The following MS4A13 variants were observed in gnomAD, a reference collection of about 807,000 sequenced individuals.
MS4A13 encodes the protein membrane spanning 4-domains A13, also known as membrane-spanning 4-domains subfamily A member 13.
A neutral mutation model predicts 18.4 loss-of-function variants in MS4A13; 21 were observed. The ratio of observed to expected loss-of-function variants is 1.14; its 90% CI spans 0.81 to 1.64. The LOEUF is 1.64. MS4A13 is among the 40% of genes most tolerant of loss of function. The pLI, the probability that MS4A13 is intolerant of heterozygous loss-of-function variation, is 0.00. For missense variants in MS4A13, 173 were observed against 176.8 expected (o/e 0.98, Z 0.12); for synonymous variants, 62 against 57.2 (o/e 1.08, Z -0.38).
chr11:60,538,692 G>T (rs186119962), intron 6 of MS4A13, among the ~76,000 whole-genome samples: 2,596 of 150,344 alleles, frequency 0.017, 62 homozygotes, highest in African/African-American at 0.053. Flanking sequence ...AGAATTTTAA[G>T]ATAATCCCTA....
In MS4A13 at chr11:60,525,326, A is replaced by G. The variant is rs144818161; in HGVS notation, c.306A>G (p.Ala102=). ...NSVSYRNYGQ[A]KLGREVSRIL... ...TGTCATACAGGAATTATGGACAAGC[A>G]GTAAGTGACCAATTCTATGGGAACA... Residue 102 remains alanine (A), a splice_region_variant and synonymous_variant, in exon 5 of 7, where the codon GCA becomes GCG. Coordinates refer to ENST00000378186, the MANE Select transcript of MS4A13 (RefSeq NM_001012417.3). The G allele has an allele frequency of 3.2e-6, 5 of 1,573,888 alleles. No individual in the cohort carries two copies. Among genetic ancestry groups the G allele is most frequent in the Non-Finnish European group, 4.3e-6 (5 of 1,156,626 alleles).
intron 2 of MS4A13, among the ~76,000 whole-genome samples, chr11:60,516,368 G>A (rs2086637668): frequency 6.6e-6 from 1 of 152,158 alleles, no homozygotes; most frequent in Admixed American, 6.5e-5. Context: ...TATGCAGTAG[G>A]ATGATTATAA....
At chr11:60,522,227 G>GTATATGT (rs2086680072) in intron 3 of MS4A13, among the ~76,000 whole-genome samples, 1 of 97,240 alleles carries the variant, frequency 1.0e-5, no homozygotes, top group Non-Finnish European at 2.0e-5. Flanking sequence ...TAGATAGATA[G>GTATATGT]ATAGATAGAT....
intron 5 of MS4A13, 89 bp from the exon 6 acceptor site, chr11:60,529,271 TTTTTG>T: frequency 9.0e-6 from 3 of 332,178 alleles, no homozygotes; most frequent in Non-Finnish European, 1.1e-5. Context: ...TTTTTTTTTT[TTTTTG>T]ACTCTCATAC....
At chr11:60,527,589 A>G (rs917160915) in intron 5 of MS4A13, among the ~76,000 whole-genome samples, 13 of 152,094 alleles carry the variant, frequency 8.5e-5, no homozygotes, top group Admixed American at 3.9e-4. Context: ...TAATCCCAGC[A>G]CTTTGGAAGG....
rs866882528 is a variant in MS4A13 at position 60,538,033 on chromosome 11, C to T, written c.403-4486C>T. 9.0e-3 allele frequency among the ~76,000 whole-genome samples: 616 copies of T among 68,268 alleles called. 5 individuals are homozygous for T. Among genetic ancestry groups the T allele is most frequent in the African/African-American group, 0.036 (580 of 16,120 alleles). 44.8% of individuals were successfully genotyped at this position (68,268 alleles called of 152,430 possible). A position where few individuals can be genotyped will look rare whatever the true frequency, so the allele number is the denominator to read the frequency against. On this transcript the variant is annotated intron_variant, in intron 6 of 6. Coordinates refer to ENST00000378186, the MANE Select transcript of MS4A13 (RefSeq NM_001012417.3). ...CACACTCTGGGGACTGTGGTGGGGT[C>T]GGGGGAGGGGGGAGGGATGGCATTG...
chr11:60,525,308 C>T lies in MS4A13; in HGVS notation c.288C>T (p.Tyr96=), dbSNP rs142250716. The T allele has an allele frequency of 6.9e-6, 11 of 1,586,556 alleles. No individual in the cohort carries two copies. The highest frequency in any genetic ancestry group is 9.5e-6 in the Non-Finnish European group (11 of 1,160,704). ...IELSHFNSVS[Y]RNYGQAKLGR... ...TGTCTCATTTTAATTCTGTGTCATA[C>T]AGGAATTATGGACAAGCAGTAAGTG... is the stretch of plus-strand genomic sequence containing the variant. The change falls in exon 5 of 7, where the codon TAC becomes TAT. Residue 96 remains tyrosine (Y), a synonymous_variant. Coordinates refer to ENST00000378186, the MANE Select transcript of MS4A13 (RefSeq NM_001012417.3).
At chr11:60,522,389 A>G (rs1038746178) in intron 3 of MS4A13, among the ~76,000 whole-genome samples, 4 of 152,110 alleles carry the variant, frequency 2.6e-5, no homozygotes, top group Non-Finnish European at 4.4e-5. Context: ...CAAGGGGTCA[A>G]TAGATTACTT....
chr11:60,533,002 T>C (rs1176955216), intron 6 of MS4A13, among the ~76,000 whole-genome samples: 14 of 51,954 alleles, frequency 2.7e-4, no homozygotes, highest in Admixed American at 5.7e-4. Flanking sequence ...AAAGGACATC[T>C]ACACCAAAAA....
At chr11:60,530,826 G>A (rs535283707) in intron 6 of MS4A13, among the ~76,000 whole-genome samples, 1 of 152,298 alleles carries the variant, frequency 6.6e-6, no homozygotes, top group East Asian at 1.9e-4. Flanking sequence ...ATGATAGTGA[G>A]TGAGTTCTCA....
intron 6 of MS4A13, among the ~76,000 whole-genome samples, chr11:60,541,993 CG>C (rs1364486766): frequency 6.6e-6 from 1 of 151,622 alleles, no homozygotes; most frequent in Non-Finnish European, 1.5e-5. Flanking sequence ...CCTAACTACT[CG>C]GGTGGCTGGG....
chr11:60,539,293 T>C (rs2086837477), intron 6 of MS4A13, among the ~76,000 whole-genome samples: 1 of 150,870 alleles, frequency 6.6e-6, no homozygotes, highest in East Asian at 1.9e-4. Context: ...ACAGAAATTA[T>C]GAAAAACCCA....
intron 5 of MS4A13, among the ~76,000 whole-genome samples, chr11:60,528,753 G>A (rs563101796): frequency 5.9e-5 from 9 of 151,978 alleles, no homozygotes; most frequent in Non-Finnish European, 8.8e-5. Context: ...CTAACCAATC[G>A]GATTTGTAGT....
At chr11:60,520,894 G>A (rs540668664) in intron 3 of MS4A13, among the ~76,000 whole-genome samples, 11 of 152,280 alleles carry the variant, frequency 7.2e-5, no homozygotes, top group African/African-American at 2.4e-4. Context: ...TGAGGGCCCC[G>A]CCCCTGCAGC....
intron 3 of MS4A13, among the ~76,000 whole-genome samples, chr11:60,521,297 T>A: frequency 6.6e-6 from 1 of 152,266 alleles, no homozygotes; most frequent in East Asian, 1.9e-4. Context: ...TGCAAATTTC[T>A]GCAGCTGGCT....
chr11:60,525,045 GC>G lies in MS4A13; in HGVS notation c.187-161del, dbSNP rs1328347556. 5.3e-5 allele frequency among the ~76,000 whole-genome samples: 8 copies of G among 152,172 alleles called. No homozygotes were observed. In the East Asian group the frequency reaches 1.3e-3, roughly 26 times the overall value. On this transcript the variant is annotated intron_variant, in intron 4 of 6. Transcript: ENST00000378186. ...TTAATGTTTCCTCCAGATTAACTGG[GC>G]TTCATATAAATCAGAAAAATATTTT...
chr11:60,516,540 A>G (rs2086638612), intron 2 of MS4A13, among the ~76,000 whole-genome samples: 1 of 152,208 alleles, frequency 6.6e-6, no homozygotes, highest in Non-Finnish European at 1.5e-5. Context: ...TAGATCAATT[A>G]TCTAAGTCGC....
At position 60,539,578 on chromosome 11, in the gene MS4A13, T is replaced by A. The variant is rs542879782; in HGVS notation, c.403-2941T>A. Among the ~76,000 whole-genome samples, 19 of 152,218 alleles carry A rather than the reference T, an allele frequency of 1.2e-4. 1 individual carries two copies. In the South Asian group the frequency reaches 3.7e-3, roughly 30 times the overall value. ...AGAAATAATGGCTCCCAAATTCCCC[T>A]AATTTCATGGAAAACATTCAATACA... On this transcript the variant is annotated intron_variant, in intron 6 of 6. Coordinates refer to ENST00000378186, the MANE Select transcript of MS4A13 (RefSeq NM_001012417.3).
intron 5 of MS4A13, among the ~76,000 whole-genome samples, chr11:60,525,746 A>G (rs2086709336): frequency 6.6e-6 from 1 of 152,156 alleles, no homozygotes; most frequent in Admixed American, 6.5e-5. Context: ...AATTTTTCAT[A>G]CATAGCCTAT....
Sources: gnomAD v4.1 joint callset for allele counts (sites outside exome capture counted in the v4.1 genomes callset) on GRCh38, gnomAD v4.1.1 for gene constraint, MANE v1.5 for transcripts, NCBI Gene and HGNC (gene_info 2026-07-23, HGNC 2026-07-21) for gene names.